Variants in HSF2BP observed in about 807,000 individuals in gnomAD.
HSF2BP encodes the protein heat shock factor 2-binding protein.
Under a neutral mutation model 35.0 loss-of-function variants are expected in HSF2BP, and 35 were observed. That is an observed-to-expected ratio of 1.00 (90% CI 0.76 to 1.32). The LOEUF (loss-of-function observed/expected upper bound fraction) is 1.32, where lower values mean the gene tolerates loss of function less well. Among genes scored for constraint, HSF2BP ranks in the 40% most tolerant of loss-of-function variants. HSF2BP has a pLI of 0.00. For synonymous variants in HSF2BP, 114 were observed against 117.4 expected, an observed-to-expected ratio of 0.97 and a Z score of 0.18; for missense variants, 326 against 321.7, an observed-to-expected ratio of 1.01 and a Z score of -0.10.
At chr21:43,646,536 C>A (rs1330262364) in intron 3 of HSF2BP, among the ~76,000 whole-genome samples, 1 of 152,120 alleles carries the variant, frequency 6.6e-6, no homozygotes, top group Non-Finnish European at 1.5e-5. Flanking sequence ...CGGTATATTA[C>A]TCAAACATGG....
At chr21:43,642,117 TGAGACCCCATCTCTATAAAAAAA>T (rs2082644675) in intron 4 of HSF2BP, among the ~76,000 whole-genome samples, 1 of 152,020 alleles carries the variant, frequency 6.6e-6, no homozygotes, top group African/African-American at 2.4e-5. Context: ...GGCAACATAG[TGAGACCCCATCTCTATAAAAAAA>T]TTTTAAAAAT....
chr21:43,658,032 C>T (rs1274057192), intron 2 of HSF2BP, 29 bp downstream of exon 2: 3 of 1,535,490 alleles, frequency 2.0e-6, no homozygotes, highest in Non-Finnish European at 2.6e-6. Context: ...TTCAAACACG[C>T]TGGCGTCGGC....
At chr21:43,581,058 A>G (rs889119502) in intron 8 of HSF2BP, among the ~76,000 whole-genome samples, 2 of 152,214 alleles carry the variant, frequency 1.3e-5, no homozygotes, top group Non-Finnish European at 2.9e-5. Flanking sequence ...CACTGCCCTC[A>G]AGGGAAGGAA....
intron 8 of HSF2BP, among the ~76,000 whole-genome samples, chr21:43,589,394 G>C (rs955153010): frequency 6.6e-6 from 1 of 152,182 alleles, no homozygotes; most frequent in Non-Finnish European, 1.5e-5. Flanking sequence ...TGTGTTCATG[G>C]ATTGTAAGTC....
intron 8 of HSF2BP, among the ~76,000 whole-genome samples, chr21:43,584,995 A>ATTAATTAATTATTTATTTAT (rs1555856714): frequency 5.9e-5 from 9 of 151,592 alleles, no homozygotes; most frequent in African/African-American, 2.2e-4. Context: ...ATTTTATTTA[A>ATTAATTAATTATTTATTTAT]TTATTTATTT....
At chr21:43,629,334 G>A (rs757230831) in intron 6 of HSF2BP, among the ~76,000 whole-genome samples, 6 of 152,164 alleles carry the variant, frequency 3.9e-5, no homozygotes, top group Admixed American at 1.3e-4. Flanking sequence ...GGGAGGCTGA[G>A]GTGGGCAGAT....
chr21:43,573,000 C>T (rs1386262634), intron 8 of HSF2BP, among the ~76,000 whole-genome samples: 4 of 152,206 alleles, frequency 2.6e-5, no homozygotes, highest in Non-Finnish European at 5.9e-5. Context: ...CCTTGTTCTA[C>T]AACACTAGCG....
At chr21:43,624,908 T>C (rs778062780) in intron 6 of HSF2BP, among the ~76,000 whole-genome samples, 3 of 152,088 alleles carry the variant, frequency 2.0e-5, no homozygotes, top group Non-Finnish European at 2.9e-5. Context: ...GTGCTATCAT[T>C]TACTACGGTT....
intron 3 of HSF2BP, among the ~76,000 whole-genome samples, chr21:43,654,555 G>A (rs1346118843): frequency 6.6e-6 from 1 of 152,032 alleles, no homozygotes; most frequent in Non-Finnish European, 1.5e-5. Flanking sequence ...CAGTTTCTCG[G>A]TGTTCTGGTA....
chr21:43,590,039 T>C (rs564938565), intron 8 of HSF2BP, among the ~76,000 whole-genome samples: 5 of 152,320 alleles, frequency 3.3e-5, no homozygotes, highest in African/African-American at 1.2e-4. Context: ...TTATCACAAT[T>C]AAGATAGGTC....
At chr21:43,618,004 AT>A (rs1374507379) in intron 6 of HSF2BP, among the ~76,000 whole-genome samples, 2 of 152,066 alleles carry the variant, frequency 1.3e-5, no homozygotes, top group Non-Finnish European at 2.9e-5. Flanking sequence ...CACACCTATA[AT>A]CCCAATACTT....
At chr21:43,604,123 G>A (rs1019831009) in intron 7 of HSF2BP, among the ~76,000 whole-genome samples, 3 of 152,000 alleles carry the variant, frequency 2.0e-5, no homozygotes, top group Non-Finnish European at 4.4e-5. Flanking sequence ...CAGGAGCGCT[G>A]GAAATACTGG....
At chr21:43,595,117 C>A (rs2146803985) in intron 7 of HSF2BP, among the ~76,000 whole-genome samples, 1 of 152,138 alleles carries the variant, frequency 6.6e-6, no homozygotes, top group East Asian at 1.9e-4. Flanking sequence ...TAAAAAATAG[C>A]CACATGTGGT....
intron 6 of HSF2BP, among the ~76,000 whole-genome samples, chr21:43,626,598 A>C (rs1330167873): frequency 6.6e-6 from 1 of 152,218 alleles, no homozygotes; most frequent in East Asian, 1.9e-4. Flanking sequence ...CTTGTATGGA[A>C]AATGTTCTAA....
At chr21:43,593,869 G>C (rs2081955675) in intron 7 of HSF2BP, among the ~76,000 whole-genome samples, 1 of 151,892 alleles carries the variant, frequency 6.6e-6, no homozygotes. Context: ...AGAACAGAAA[G>C]AATGAAGGAA....
chr21:43,584,250 G>A (rs2081816609), intron 8 of HSF2BP, among the ~76,000 whole-genome samples: 2 of 152,120 alleles, frequency 1.3e-5, no homozygotes, highest in South Asian at 4.1e-4. Context: ...AGATGAGGGA[G>A]TCCCAATATC....
chr21:43,627,955 A>C (rs2082409404), intron 6 of HSF2BP, among the ~76,000 whole-genome samples: 1 of 152,146 alleles, frequency 6.6e-6, no homozygotes, highest in Non-Finnish European at 1.5e-5. Context: ...TTACCACTGT[A>C]ATTGTTTTAG....
chr21:43,583,840 C>T (rs1473105103), intron 8 of HSF2BP, among the ~76,000 whole-genome samples: 1 of 132,890 alleles, frequency 7.5e-6, no homozygotes, highest in Non-Finnish European at 1.6e-5. Flanking sequence ...GAGATGAGGA[C>T]CTGCCGAAGG....
chr21:43,611,670 G>A (rs950893574), intron 7 of HSF2BP, among the ~76,000 whole-genome samples: 6 of 152,324 alleles, frequency 3.9e-5, no homozygotes, highest in South Asian at 2.1e-4. Context: ...AACCAAGCAC[G>A]GTAGCAGTGG....
Sources: gnomAD v4.1 joint callset for allele counts (sites outside exome capture counted in the v4.1 genomes callset) on GRCh38, gnomAD v4.1.1 for gene constraint, MANE v1.5 for transcripts, NCBI Gene and HGNC (gene_info 2026-07-23, HGNC 2026-07-21) for gene names.